Variants in ZNF727 observed in about 807,000 individuals in gnomAD.
The protein encoded by ZNF727 is zinc finger protein 727.
Under a neutral mutation model 11.5 loss-of-function variants are expected in ZNF727, and 11 were observed. The observed-to-expected ratio is 0.95, with a 90% CI of 0.60 to 1.58. The LOEUF (loss-of-function observed/expected upper bound fraction) is 1.58, where lower values mean the gene tolerates loss of function less well. Ranked by LOEUF, ZNF727 falls within the 40% of genes most tolerant of loss-of-function variation. The pLI, the probability that ZNF727 is intolerant of heterozygous loss-of-function variation, is 0.00. For missense variants in ZNF727, 533 were observed against 581.7 expected (o/e 0.92, Z 0.86); for synonymous variants, 171 against 196.1 (o/e 0.87, Z 1.07).
In ZNF727 at chr7:64,081,797, T is replaced by C. The variant is rs1785796952; in HGVS notation, c.*3248T>C. Among the ~76,000 whole-genome samples, 1 of 152,114 alleles carries C rather than the reference T, an allele frequency of 6.6e-6. No individual in the cohort carries two copies. Among genetic ancestry groups the C allele is most frequent in the Non-Finnish European group, 1.5e-5 (1 of 68,020 alleles). ...GGCTAAAGTCTCTTATGGGAGAAAGTTGAGCCTATGGAAATGGCCGTCAAT... is the reference window on the plus strand; with the variant it reads ...GGCTAAAGTCTCTTATGGGAGAAAGCTGAGCCTATGGAAATGGCCGTCAAT... On this transcript the variant is annotated 3_prime_UTR_variant, in exon 4 of 4. Coordinates refer to ENST00000456806, the MANE Select transcript of ZNF727 (RefSeq NM_001159522.3).
At position 64,080,999 on chromosome 7, in the gene ZNF727, G is replaced by T. The variant is rs1785777933; in HGVS notation, c.*2450G>T. Among the ~76,000 whole-genome samples the T allele has an allele frequency of 6.6e-6, 1 of 151,808 alleles. No homozygotes were observed. Among genetic ancestry groups the T allele is most frequent in the Non-Finnish European group, 1.5e-5 (1 of 67,988 alleles). ...TTAGAGTCTGCATACTCTAACTCTG[G>T]GGGAGTTGTATTGAGCCCCAACTGT... On this transcript the variant is annotated 3_prime_UTR_variant, in exon 4 of 4. Coordinates refer to ENST00000456806, the MANE Select transcript of ZNF727 (RefSeq NM_001159522.3).
intron 3 of ZNF727, among the ~76,000 whole-genome samples, chr7:64,076,127 A>G (rs982354233): frequency 1.3e-5 from 2 of 152,134 alleles, no homozygotes; most frequent in South Asian, 2.1e-4. Flanking sequence ...TTTTATGCCA[A>G]TATTCAACTC....
Position 64,083,133 on chromosome 7 carries a change from C to T in ZNF727, c.*4584C>T, listed in dbSNP as rs1011107363. 1.3e-5 allele frequency among the ~76,000 whole-genome samples: 2 copies of T among 152,214 alleles called. No homozygotes were observed. Among genetic ancestry groups the T allele is most frequent in the Non-Finnish European group, 2.9e-5 (2 of 68,032 alleles). ...GAGACCCTGGTTGGGAACTGCTTTGCAGTGAGGAGGAATGAGATTGGGGAC... is the reference window on the plus strand; with the variant it reads ...GAGACCCTGGTTGGGAACTGCTTTGTAGTGAGGAGGAATGAGATTGGGGAC... On this transcript the variant is annotated 3_prime_UTR_variant, in exon 4 of 4. Coordinates refer to ENST00000456806, the MANE Select transcript of ZNF727 (RefSeq NM_001159522.3).
chr7:64,078,069 C>A lies in ZNF727; in HGVS notation c.1020C>A (p.Tyr340Ter). 5.6e-6 allele frequency: 9 copies of A among 1,611,696 alleles called. No individual in the cohort carries two copies. Among genetic ancestry groups the A allele is most frequent in the Non-Finnish European group, 7.6e-6 (9 of 1,178,876 alleles). The change falls in exon 4 of 4, where the codon TAC (tyrosine) becomes TAA (stop). Residue 340 changes from tyrosine to a stop codon, truncating the protein, a stop_gained. Transcript: ENST00000456806. LOFTEE classifies it low-confidence loss of function (END_TRUNC). ...HNRIHTGEKP[Y>*]ICEECGKAFT... ...GAATTCATACTGGAGAGAAACCCTACATTTGTGAAGAATGTGGCAAAGCCT... is the reference window on the plus strand; with the variant it reads ...GAATTCATACTGGAGAGAAACCCTAAATTTGTGAAGAATGTGGCAAAGCCT...
At chr7:64,049,003 T>C (rs1241837464) in intron 1 of ZNF727, among the ~76,000 whole-genome samples, 1 of 152,202 alleles carries the variant, frequency 6.6e-6, no homozygotes, top group Non-Finnish European at 1.5e-5. Context: ...TTCTAAAAGA[T>C]ATTGGTCTTC....
At chr7:64,075,859 A>AT in intron 3 of ZNF727, among the ~76,000 whole-genome samples, 1 of 152,298 alleles carries the variant, frequency 6.6e-6, no homozygotes, top group South Asian at 2.1e-4. Flanking sequence ...AGACCTAGCC[A>AT]TGTAGCCTCT....
intron 1 of ZNF727, among the ~76,000 whole-genome samples, chr7:64,066,346 C>T (rs578151301): frequency 3.8e-4 from 58 of 152,138 alleles, no homozygotes; most frequent in Non-Finnish European, 6.8e-4. Context: ...ATAGCCAACA[C>T]AATCCTAAGC....
At chr7:64,062,104 T>C (rs1219774698) in intron 1 of ZNF727, among the ~76,000 whole-genome samples, 2 of 152,062 alleles carry the variant, frequency 1.3e-5, no homozygotes, top group Admixed American at 6.6e-5. Context: ...TAACTAAGCC[T>C]CAAAAGTAGA....
rs1785738735 is a variant in ZNF727, at chr7:64,078,902, T to C, written c.*353T>C. 6.6e-6 allele frequency among the ~76,000 whole-genome samples: 1 copy of C among 152,048 alleles called. No individual in the cohort carries two copies. Among genetic ancestry groups the C allele is most frequent in the Non-Finnish European group, 1.5e-5 (1 of 67,998 alleles). On this transcript the variant is annotated 3_prime_UTR_variant, in exon 4 of 4. Coordinates refer to ENST00000456806, the MANE Select transcript of ZNF727 (RefSeq NM_001159522.3). The stretch of plus-strand genomic sequence containing the variant: ...GATAATTCATATTGGAGAGAAACCC[T>C]ACAAATGTAATGAATGTGGAAAAGG...
rs148469076 is a variant in ZNF727 at position 64,052,826 on chromosome 7, G to C, written c.3+7202G>C. 3.4e-3 allele frequency among the ~76,000 whole-genome samples: 519 copies of C among 152,318 alleles called. 1 individual carries two copies. The highest frequency in any genetic ancestry group is 0.012 in the African/African-American group (493 of 41,572). On this transcript the variant is annotated intron_variant, in intron 1 of 3. Transcript: ENST00000456806. Reference sequence around the variant, plus strand: ...GGATGTGAGACATGAAGTCAAAGGTGATCATTTTGGAGCTTTAAGATTTGA... The same window carrying C: ...GGATGTGAGACATGAAGTCAAAGGTCATCATTTTGGAGCTTTAAGATTTGA...
intron 1 of ZNF727, among the ~76,000 whole-genome samples, chr7:64,062,685 A>AATATATATATATATATATATTTAT (rs71057374): frequency 1.1e-5 from 1 of 89,980 alleles, no homozygotes; most frequent in Non-Finnish European, 2.4e-5. Flanking sequence ...CTTGTACTTG[A>AATATATATATATATATATATTTAT]ATATATATAT....
At chr7:64,049,177 A>C (rs1789553686) in intron 1 of ZNF727, among the ~76,000 whole-genome samples, 1 of 152,124 alleles carries the variant, frequency 6.6e-6, no homozygotes, top group Non-Finnish European at 1.5e-5. Context: ...AAACCTTATA[A>C]ACAGATGTAT....
chr7:64,058,950 C>CTTTTTTTTTTTTT (rs560995822), intron 1 of ZNF727, among the ~76,000 whole-genome samples: 3 of 145,384 alleles, frequency 2.1e-5, no homozygotes, highest in East Asian at 2.2e-4. Flanking sequence ...ATTGCATTGT[C>CTTTTTTTTTTTTT]TTTTTTTTTT....
At chr7:64,051,044 A>G (rs1255111124) in intron 1 of ZNF727, among the ~76,000 whole-genome samples, 1 of 152,142 alleles carries the variant, frequency 6.6e-6, no homozygotes, top group Non-Finnish European at 1.5e-5. Flanking sequence ...AAACTATTTA[A>G]TATTTGAACA....
rs1230906694 is a variant in ZNF727 at position 64,084,989 on chromosome 7, T to C, written c.*6440T>C. Reference sequence around the variant, plus strand: ...TTAAATTCATTTATCTGAAATGTTATTGCTCCTGACTTAGAATCATCTTTT... The same window carrying C: ...TTAAATTCATTTATCTGAAATGTTACTGCTCCTGACTTAGAATCATCTTTT... On this transcript the variant is annotated 3_prime_UTR_variant, in exon 4 of 4. Coordinates refer to ENST00000456806, the MANE Select transcript of ZNF727 (RefSeq NM_001159522.3). 2.0e-5 allele frequency among the ~76,000 whole-genome samples: 3 copies of C among 151,096 alleles called. No homozygotes were observed. The highest frequency in any genetic ancestry group is 4.4e-5 in the Non-Finnish European group (3 of 67,808).
At position 64,045,463 on chromosome 7, in the gene ZNF727, T is replaced by G. The variant is rs1789485326; in HGVS notation, c.-159T>G. On this transcript the variant is annotated 5_prime_UTR_variant, in exon 1 of 4. Transcript: ENST00000456806. ...TCTTCAATATGGCAAGGCCTTCGTC[T>G]CCTAGCTTCTAGGCTCTGAGTCCAG... The G allele has an allele frequency of 9.5e-7, 1 of 1,056,116 alleles. No homozygotes were observed. The allele number at this position is 1,056,116 out of a possible 1,614,324, so 65.4% of individuals were successfully genotyped here.
In ZNF727 at chr7:64,045,504, T is replaced by C; in HGVS notation, c.-118T>C. On this transcript the variant is annotated 5_prime_UTR_variant, in exon 1 of 4. Transcript: ENST00000456806. ...CTGAGTCCAGTACCCGTCTGTACTA[T>C]TCCATCTCTTCCGCTCCATTAGCTC... 1 of 1,377,728 alleles carries C rather than the reference T, an allele frequency of 7.3e-7. No homozygotes were observed. Among genetic ancestry groups the C allele is most frequent in the Non-Finnish European group, 1.0e-6 (1 of 989,106 alleles). 85.3% of individuals were successfully genotyped at this position (1,377,728 alleles called of 1,614,324 possible). A position where few individuals can be genotyped will look rare whatever the true frequency, so the allele number is the denominator to read the frequency against.
chr7:64,074,672 G>A (rs1475703443), intron 3 of ZNF727, among the ~76,000 whole-genome samples: 1 of 152,144 alleles, frequency 6.6e-6, no homozygotes, highest in Non-Finnish European at 1.5e-5. Context: ...CAAAGCATCT[G>A]ATTAAGTACA....
chr7:64,069,671 C>A lies in ZNF727; in HGVS notation c.226+62C>A, dbSNP rs1789929715. On this transcript the variant is annotated intron_variant, in intron 3 of 3. Coordinates refer to ENST00000456806, the MANE Select transcript of ZNF727 (RefSeq NM_001159522.3). ...CGGTTCCCAATGTCAAGGAGGAAGCCAGACCTTGAAACATGCTTCCAGAAG... is the reference window on the plus strand; with the variant it reads ...CGGTTCCCAATGTCAAGGAGGAAGCAAGACCTTGAAACATGCTTCCAGAAG... The A allele has an allele frequency of 1.2e-5, 15 of 1,302,286 alleles. No homozygotes were observed. In the Admixed American group the frequency reaches 3.2e-4, roughly 28 times the overall value. The allele number at this position is 1,302,286 out of a possible 1,614,324, so 80.7% of individuals were successfully genotyped here. A position where few individuals can be genotyped will look rare whatever the true frequency, so the allele number is the denominator to read the frequency against.
Sources: allele counts gnomAD v4.1 joint callset (sites outside exome capture counted in the v4.1 genomes callset), GRCh38; gene constraint gnomAD v4.1.1; transcripts MANE v1.5; gene names NCBI Gene and HGNC (gene_info 2026-07-23, HGNC 2026-07-21).